The following AGPAT4 variants were observed in gnomAD, a reference collection of about 807,000 sequenced individuals.
The protein encoded by AGPAT4 is 1-acyl-sn-glycerol-3-phosphate acyltransferase delta.
In AGPAT4, 15 loss-of-function variants were observed where a neutral mutation model predicts 48.0. The observed-to-expected ratio is 0.31, with a 90% confidence interval of 0.21 to 0.48. The LOEUF is 0.48. Ranked by LOEUF, AGPAT4 falls within the 20% of genes least tolerant of loss-of-function variation. The pLI is 0.99. For missense variants in AGPAT4, 314 were observed against 482.5 expected (o/e 0.65, Z 3.27); for synonymous variants, 178 against 198.7 (o/e 0.90, Z 0.88).
At chr6:161,263,041 C>T (rs1326714599) in intron 1 of AGPAT4, among the ~76,000 whole-genome samples, 1 of 152,020 alleles carries the variant, frequency 6.6e-6, no homozygotes, top group Non-Finnish European at 1.5e-5. Flanking sequence ...CCTCCATCCA[C>T]CCATCAGACC....
At chr6:161,172,364 G>A (rs993714874) in intron 2 of AGPAT4, among the ~76,000 whole-genome samples, 8 of 152,268 alleles carry the variant, frequency 5.3e-5, no homozygotes, top group African/African-American at 1.9e-4. Flanking sequence ...CACACCTGCC[G>A]AGCACAGGGG....
chr6:161,198,652 G>T lies in AGPAT4; in HGVS notation c.179-32235C>A, dbSNP rs913299989. Among the ~76,000 whole-genome samples the T allele has an allele frequency of 6.6e-6, 1 of 152,194 alleles. No homozygotes were observed. The highest frequency in any genetic ancestry group is 6.5e-5 in the Admixed American group (1 of 15,280). On this transcript the variant is annotated intron_variant, in intron 2 of 8. Transcript: ENST00000320285. This position sits in a 1 kb window ranked among gnomAD's most constrained non-coding sequence, Gnocchi z 4.3. ...CTTTGGACATGCTATTTAACCTGCTGTGCCTCGGTTTCCTCATCTGTCATG... is the reference window on the plus strand; with the variant it reads ...CTTTGGACATGCTATTTAACCTGCTTTGCCTCGGTTTCCTCATCTGTCATG...
intron 3 of AGPAT4, among the ~76,000 whole-genome samples, chr6:161,163,567 T>C (rs983232281): frequency 1.3e-5 from 2 of 152,190 alleles, no homozygotes; most frequent in African/African-American, 4.8e-5. Context: ...CCCTGTGACA[T>C]GGGGAGGGGG....
rs377444402 is a variant in AGPAT4, at chr6:161,260,655, CAAAAAAAAAAAA to C, written c.-90+13271_-90+13282del. On this transcript the variant is annotated intron_variant, in intron 1 of 8. Coordinates refer to ENST00000320285, the MANE Select transcript of AGPAT4 (RefSeq NM_020133.3). ...TGGGCCACAAAAGGAGACTACGTCT[CAAAAAAAAAAAA>C]AAAAAAAAAAAAAAACAGGATTCAG... Among the ~76,000 whole-genome samples, 300 of 45,690 alleles carry C rather than the reference CAAAAAAAAAAAA, an allele frequency of 6.6e-3. 4 individuals are homozygous for C. Among genetic ancestry groups the C allele is most frequent in the African/African-American group, 7.1e-3 (105 of 14,784 alleles). The allele number at this position is 45,690 out of a possible 152,430, so 30.0% of individuals were successfully genotyped here.
chr6:161,228,890 A>C (rs981169957), intron 2 of AGPAT4, among the ~76,000 whole-genome samples: 1 of 151,896 alleles, frequency 6.6e-6, no homozygotes, highest in Admixed American at 6.6e-5. Flanking sequence ...AAGACAAAGC[A>C]ACCCTCTAAA....
At position 161,158,357 on chromosome 6, in the gene AGPAT4, C is replaced by T. The variant is rs949099645; in HGVS notation, c.349-4047G>A. On this transcript the variant is annotated intron_variant, in intron 3 of 8. Transcript: ENST00000320285. This position sits in a 1 kb window ranked among gnomAD's most constrained non-coding sequence, Gnocchi z 5.3. Reference sequence around the variant, plus strand: ...GTACAAGAAAATATACTAATTTCATCAATTCTGGATTTATTTCACAGGTCA... The same window carrying T: ...GTACAAGAAAATATACTAATTTCATTAATTCTGGATTTATTTCACAGGTCA... 6.6e-6 allele frequency among the ~76,000 whole-genome samples: 1 copy of T among 152,206 alleles called. No individual in the cohort carries two copies.
In AGPAT4 at chr6:161,141,885, CAG is replaced by C. The variant is rs1414024837; in HGVS notation, c.844-2267_844-2266del. Among the ~76,000 whole-genome samples, 7 of 152,114 alleles carry C rather than the reference CAG, an allele frequency of 4.6e-5. No individual in the cohort carries two copies. The highest frequency in any genetic ancestry group is 1.7e-4 in the African/African-American group (7 of 41,410). ...ATTCACTTTATTTTATTTTTTGAGA[CAG>C]AGTCTCACTCTGTCGCACAGGCTGG... On this transcript the variant is annotated intron_variant, in intron 7 of 8. Transcript: ENST00000320285. The surrounding 1 kb of genome is among the most constrained non-coding windows in gnomAD (Gnocchi z 6.7).
rs1779518140 is a variant in AGPAT4 at position 161,149,116 on chromosome 6, C to G, written c.767+71G>C. ...CCCAGGGATCCCTGGAAGAAAGTCT[C>G]TAGGTCATTTGTGATGTGTTTACTT... is the stretch of plus-strand genomic sequence containing the variant. On this transcript the variant is annotated intron_variant, in intron 6 of 8. Transcript: ENST00000320285. This position sits in a 1 kb window ranked among gnomAD's most constrained non-coding sequence, Gnocchi z 6.5. 2.9e-5 allele frequency: 45 copies of G among 1,550,428 alleles called. No homozygotes were observed. The South Asian group carries it at 4.8e-4, about 16-fold the overall frequency.
chr6:161,202,917 T>C lies in AGPAT4; in HGVS notation c.178+29119A>G, dbSNP rs1004461266. ...AGGTTACTCCAGTTGACAGCCCCAG[T>C]TGAGGTCCCAGCCAACAGCCAACAT... On this transcript the variant is annotated intron_variant, in intron 2 of 8. Transcript: ENST00000320285. This position sits in a 1 kb window ranked among gnomAD's most constrained non-coding sequence, Gnocchi z 5.4. Among the ~76,000 whole-genome samples, 4 of 152,176 alleles carry C rather than the reference T, an allele frequency of 2.6e-5. No homozygotes were observed. Among genetic ancestry groups the C allele is most frequent in the African/African-American group, 9.7e-5 (4 of 41,450 alleles).
chr6:161,185,835 C>G (rs1217652213), intron 2 of AGPAT4, among the ~76,000 whole-genome samples: 1 of 152,134 alleles, frequency 6.6e-6, no homozygotes, highest in East Asian at 1.9e-4. Flanking sequence ...CTGTTCATCC[C>G]TAAAATATAG....
In AGPAT4 at chr6:161,178,892, T is replaced by C. The variant is rs1375555718; in HGVS notation, c.179-12475A>G. Among the ~76,000 whole-genome samples the C allele has an allele frequency of 6.6e-6, 1 of 152,254 alleles. No homozygotes were observed. The highest frequency in any genetic ancestry group is 2.4e-5 in the African/African-American group (1 of 41,474). On this transcript the variant is annotated intron_variant, in intron 2 of 8. Transcript: ENST00000320285. This position sits in a 1 kb window ranked among gnomAD's most constrained non-coding sequence, Gnocchi z 5.1. ...AAGCAGTCACATTCGGATTCTGCTC[T>C]TGCAGCCACATCTGGCTTTGACCAG...
chr6:161,175,007 C>T (rs567021211), intron 2 of AGPAT4, among the ~76,000 whole-genome samples: 1 of 152,136 alleles, frequency 6.6e-6, no homozygotes, highest in African/African-American at 2.4e-5. Context: ...CCAACTTGAT[C>T]GTGGTGGATA....
In AGPAT4 at chr6:161,243,025, T is replaced by G. The variant is rs911470121; in HGVS notation, c.-89-10723A>C. On this transcript the variant is annotated intron_variant, in intron 1 of 8. Coordinates refer to ENST00000320285, the MANE Select transcript of AGPAT4 (RefSeq NM_020133.3). The surrounding 1 kb of genome is among the most constrained non-coding windows in gnomAD (Gnocchi z 4.8). ...TTGCAGTGAGTGGAGATTGCGCCAC[T>G]GCACTCCAGCTTGGGCGACAGAGCC... 2.6e-5 allele frequency among the ~76,000 whole-genome samples: 4 copies of G among 152,102 alleles called. No homozygotes were observed. Among genetic ancestry groups the G allele is most frequent in the African/African-American group, 7.2e-5 (3 of 41,430 alleles).
At position 161,131,469 on chromosome 6, in the gene AGPAT4, G is replaced by T. The variant is rs1778896734; in HGVS notation, c.*5071C>A. On this transcript the variant is annotated 3_prime_UTR_variant, in exon 9 of 9. Coordinates refer to ENST00000320285, the MANE Select transcript of AGPAT4 (RefSeq NM_020133.3). ...GGCCTAATTATTCTTAAGAAAGGTG[G>T]TTCTTTTTTAGAAAAGGGAAGCAGA... 6.6e-6 allele frequency: 1 copy of T among 152,558 alleles called. No individual in the cohort carries two copies. The highest frequency in any genetic ancestry group is 1.5e-5 in the Non-Finnish European group (1 of 68,314). 9.5% of individuals were successfully genotyped at this position (152,558 alleles called of 1,614,324 possible).
At position 161,130,198 on chromosome 6, in the gene AGPAT4, C is replaced by G. The variant is rs917022535; in HGVS notation, c.*6342G>C. The G allele has an allele frequency of 6.6e-6, 1 of 152,140 alleles. No homozygotes were observed. The allele number at this position is 152,140 out of a possible 1,614,324, so 9.4% of individuals were successfully genotyped here. A position where few individuals can be genotyped will look rare whatever the true frequency, so the allele number is the denominator to read the frequency against. On this transcript the variant is annotated 3_prime_UTR_variant, in exon 9 of 9. Transcript: ENST00000320285. ...TTACCATTCATTCGGTCCAAACATC[C>G]ACCCAATCCACACGTTCTCTCAAAG...
rs1019073011 is a variant in AGPAT4, at chr6:161,264,662, G to A, written c.-90+9276C>T. Among the ~76,000 whole-genome samples the A allele has an allele frequency of 1.3e-5, 2 of 152,178 alleles. No homozygotes were observed. Among genetic ancestry groups the A allele is most frequent in the African/African-American group, 4.8e-5 (2 of 41,446 alleles). ...GCTCCTCAAAGGCACTTGCAGGGTC[G>A]GCTCCCTCTTTGTATTCCTGCGGGC... On this transcript the variant is annotated intron_variant, in intron 1 of 8. Transcript: ENST00000320285. This position sits in a 1 kb window ranked among gnomAD's most constrained non-coding sequence, Gnocchi z 6.8.
rs1040711056 is a variant in AGPAT4, at chr6:161,212,435, T to G, written c.178+19601A>C. On this transcript the variant is annotated intron_variant, in intron 2 of 8. Coordinates refer to ENST00000320285, the MANE Select transcript of AGPAT4 (RefSeq NM_020133.3). The surrounding 1 kb of genome is among the most constrained non-coding windows in gnomAD (Gnocchi z 6.1). ...AAATTATGTCTTTTTCTTACCTAAT[T>G]AATCCTTTAAGACATTAGATTCCCT... Among the ~76,000 whole-genome samples, 1 of 152,204 alleles carries G rather than the reference T, an allele frequency of 6.6e-6. No individual in the cohort carries two copies. The highest frequency in any genetic ancestry group is 1.5e-5 in the Non-Finnish European group (1 of 68,018).
rs556418564 is a variant in AGPAT4, at chr6:161,213,810, A to G, written c.178+18226T>C. Among the ~76,000 whole-genome samples the G allele has an allele frequency of 2.6e-5, 4 of 152,248 alleles. No individual in the cohort carries two copies. The South Asian group carries it at 8.3e-4, about 32-fold the overall frequency. On this transcript the variant is annotated intron_variant, in intron 2 of 8. Coordinates refer to ENST00000320285, the MANE Select transcript of AGPAT4 (RefSeq NM_020133.3). The stretch of plus-strand genomic sequence containing the variant: ...AAAATGAGTTTTCCTAATAACTTAG[A>G]TCCTACCTGTCTAGGAATAAGCCAT...
Position 161,134,536 on chromosome 6 carries a change from A to G in AGPAT4, c.*2004T>C, listed in dbSNP as rs1359206007. 1 of 152,098 alleles carries G rather than the reference A, an allele frequency of 6.6e-6. No homozygotes were observed. Among genetic ancestry groups the G allele is most frequent in the Non-Finnish European group, 1.5e-5 (1 of 68,020 alleles). The allele number at this position is 152,098 out of a possible 1,614,324, so 9.4% of individuals were successfully genotyped here. Reference sequence around the variant, plus strand: ...TAAAGTGTGCTCTTTTACCCTTGACACACCCCAAGAGGTAGATATCGTCAC... The same window carrying G: ...TAAAGTGTGCTCTTTTACCCTTGACGCACCCCAAGAGGTAGATATCGTCAC... On this transcript the variant is annotated 3_prime_UTR_variant, in exon 9 of 9. Coordinates refer to ENST00000320285, the MANE Select transcript of AGPAT4 (RefSeq NM_020133.3).
Sources: allele counts gnomAD v4.1 joint callset (sites outside exome capture counted in the v4.1 genomes callset), GRCh38; gene constraint gnomAD v4.1.1; non-coding constraint Gnocchi (gnomAD v3.1); transcripts MANE v1.5; gene names NCBI Gene and HGNC (gene_info 2026-07-23, HGNC 2026-07-21).